The following COLGALT2 variants were observed in gnomAD, a reference collection of about 807,000 sequenced individuals.
The protein encoded by COLGALT2 is collagen beta(1-O)galactosyltransferase 2, also known as procollagen galactosyltransferase 2.
COLGALT2 carries 49 observed loss-of-function variants against 73.4 expected under a neutral mutation model. The ratio of observed to expected loss-of-function variants is 0.67; its 90% CI spans 0.53 to 0.85. The LOEUF is 0.85. Among genes scored for constraint, COLGALT2 ranks in the 40% least tolerant of loss-of-function variants. The pLI is 0.00. For synonymous variants in COLGALT2, 295 were observed against 307.6 expected, an observed-to-expected ratio of 0.96 and a Z score of 0.43; for missense variants, 722 against 790.2, an observed-to-expected ratio of 0.91 and a Z score of 1.03.
chr1:183,938,143 G>C lies in COLGALT2; in HGVS notation c.*618C>G. 2.0e-6 allele frequency: 2 copies of C among 985,562 alleles called. No homozygotes were observed. Among genetic ancestry groups the C allele is most frequent in the Non-Finnish European group, 2.4e-6 (2 of 830,394 alleles). The allele number at this position is 985,562 out of a possible 1,614,324, so 61.1% of individuals were successfully genotyped here. A position where few individuals can be genotyped will look rare whatever the true frequency, so the allele number is the denominator to read the frequency against. ...ACTCCAACTGCCATGATGGTCACAG[G>C]CCAAGTCTCAGTCGGACCCAAATAC... On this transcript the variant is annotated 3_prime_UTR_variant, in exon 12 of 12. Transcript: ENST00000361927.
In COLGALT2 at chr1:183,936,609, C is replaced by T. The variant is rs1669961341; in HGVS notation, c.*2152G>A. The T allele has an allele frequency of 1.7e-6, 2 of 1,184,744 alleles. No individual in the cohort carries two copies. Among genetic ancestry groups the T allele is most frequent in the Non-Finnish European group, 2.1e-6 (2 of 959,036 alleles). 73.4% of individuals were successfully genotyped at this position (1,184,744 alleles called of 1,614,324 possible). On this transcript the variant is annotated 3_prime_UTR_variant, in exon 12 of 12. Transcript: ENST00000361927. ...CCCAGCACCCCAGCCACCTCCCACCCCATTAAAAAAGTCATTAAAGTCATG... is the reference window on the plus strand; with the variant it reads ...CCCAGCACCCCAGCCACCTCCCACCTCATTAAAAAAGTCATTAAAGTCATG...
chr1:184,014,803 C>G (rs542127717), intron 1 of COLGALT2, among the ~76,000 whole-genome samples: 6 of 152,174 alleles, frequency 3.9e-5, no homozygotes, highest in African/African-American at 1.4e-4. Flanking sequence ...TAGAAGAGGT[C>G]ACAAAATTGA....
At chr1:183,932,558 C>T (rs1669869162), downstream of COLGALT2, among the ~76,000 whole-genome samples, 1 of 152,202 alleles carries the variant, frequency 6.6e-6, no homozygotes, top group Admixed American at 6.5e-5. Flanking sequence ...CTGCGAAAAG[C>T]TAAGCCTGCT....
intron 1 of COLGALT2, among the ~76,000 whole-genome samples, chr1:184,004,790 G>C (rs1672025658): frequency 6.6e-6 from 1 of 152,154 alleles, no homozygotes. Flanking sequence ...AGGACAAGAG[G>C]AGGGGGAGAT....
intron 4 of COLGALT2, 51 bp downstream of exon 4, chr1:183,973,565 T>C (rs774623070): frequency 3.9e-5 from 62 of 1,608,476 alleles, no homozygotes; most frequent in Non-Finnish European, 4.8e-5. Flanking sequence ...GTTGACCGGG[T>C]GTTGCCTTGT....
intron 4 of COLGALT2, among the ~76,000 whole-genome samples, chr1:183,969,992 T>A (rs1670992493): frequency 1.3e-5 from 2 of 152,214 alleles, no homozygotes; most frequent in Non-Finnish European, 2.9e-5. Flanking sequence ...TGAATAGTGT[T>A]GAGACTACTG....
At position 183,949,992 on chromosome 1, in the gene COLGALT2, G is replaced by A. The variant is rs184798155; in HGVS notation, c.1136+1015C>T. On this transcript the variant is annotated intron_variant, in intron 8 of 11. Transcript: ENST00000361927. ...CCCAAGAATAGGGCTGACAGATTTAGGAAGTGAAAAACACAAAACACTCAG... is the reference window on the plus strand; with the variant it reads ...CCCAAGAATAGGGCTGACAGATTTAAGAAGTGAAAAACACAAAACACTCAG... 6.1e-4 allele frequency among the ~76,000 whole-genome samples: 93 copies of A among 152,260 alleles called. 1 individual carries two copies. The highest frequency in any genetic ancestry group is 2.2e-3 in the African/African-American group (93 of 41,550).
intron 1 of COLGALT2, among the ~76,000 whole-genome samples, chr1:184,036,611 G>C (rs10752929): frequency 0.22 from 33,538 of 152,150 alleles, 3,871 homozygotes; most frequent in East Asian, 0.47. Context: ...GCAGCGCACT[G>C]CGGCGCCCCA....
intron 1 of COLGALT2, among the ~76,000 whole-genome samples, chr1:184,028,289 A>C (rs1649391372): frequency 1.3e-5 from 2 of 152,336 alleles, no homozygotes; most frequent in Middle Eastern, 3.4e-3. Flanking sequence ...CCAAGACTCT[A>C]AAATGCAGCA....
chr1:183,941,080 T>C (rs887353535), intron 10 of COLGALT2, among the ~76,000 whole-genome samples: 5 of 152,208 alleles, frequency 3.3e-5, no homozygotes, highest in African/African-American at 1.2e-4. Context: ...TTTCAGATCA[T>C]TTCTTAAAGA....
chr1:184,011,618 C>G (rs918111018), intron 1 of COLGALT2, among the ~76,000 whole-genome samples: 3 of 152,188 alleles, frequency 2.0e-5, no homozygotes, highest in African/African-American at 7.2e-5. Context: ...ACTATTTAAA[C>G]GTGTGGTCAG....
intron 10 of COLGALT2, among the ~76,000 whole-genome samples, chr1:183,942,634 C>T (rs1289426926): frequency 6.6e-6 from 1 of 151,964 alleles, no homozygotes; most frequent in South Asian, 2.1e-4. Flanking sequence ...AGCTTATTAC[C>T]TTTCATGTTT....
At chr1:184,021,170 G>T (rs938450416) in intron 1 of COLGALT2, among the ~76,000 whole-genome samples, 2 of 152,016 alleles carry the variant, frequency 1.3e-5, no homozygotes, top group Admixed American at 6.6e-5. Flanking sequence ...TTTTTAAAAA[G>T]CAAGCCTTTG....
downstream of COLGALT2, chr1:183,935,717 A>T (rs574523255): frequency 6.2e-5 from 23 of 369,526 alleles, no homozygotes; most frequent in African/African-American, 5.1e-4. Context: ...TGCCATGGGG[A>T]TCACACAGCA....
chr1:183,990,148 G>A (rs922772609), intron 1 of COLGALT2, among the ~76,000 whole-genome samples: 3 of 152,192 alleles, frequency 2.0e-5, no homozygotes, highest in Admixed American at 2.0e-4. Context: ...CCTAGTAATA[G>A]AATTTTTAGC....
At chr1:183,982,451 G>A (rs868418233) in intron 1 of COLGALT2, among the ~76,000 whole-genome samples, 7 of 152,292 alleles carry the variant, frequency 4.6e-5, no homozygotes, top group South Asian at 2.1e-4. Context: ...CACTGGTCTC[G>A]TGATAGGAAG....
chr1:183,933,117 A>G (rs2102781370), downstream of COLGALT2, among the ~76,000 whole-genome samples: 1 of 152,312 alleles, frequency 6.6e-6, no homozygotes, highest in Middle Eastern at 3.4e-3. Flanking sequence ...ACTTAAAAGG[A>G]TAAAACTCTA....
chr1:183,942,854 T>C (rs1441848774), intron 10 of COLGALT2, among the ~76,000 whole-genome samples: 2 of 152,230 alleles, frequency 1.3e-5, no homozygotes, highest in African/African-American at 4.8e-5. Context: ...TCCTGAGAAA[T>C]GCACCCACCG....
intron 1 of COLGALT2, among the ~76,000 whole-genome samples, chr1:184,023,206 A>C (rs1209381693): frequency 3.9e-5 from 6 of 152,144 alleles, no homozygotes; most frequent in Non-Finnish European, 8.8e-5. Flanking sequence ...ATAAACTCAA[A>C]CTCAGGAGAC....
Sources: gnomAD v4.1 joint callset for allele counts (sites outside exome capture counted in the v4.1 genomes callset) on GRCh38, gnomAD v4.1.1 for gene constraint, MANE v1.5 for transcripts, NCBI Gene and HGNC (gene_info 2026-07-23, HGNC 2026-07-21) for gene names.